ELOVL4: variants seen among roughly 807,000 people sequenced by gnomAD.
ELOVL4 encodes the protein ELOVL fatty acid elongase 4.
A neutral mutation model predicts 42.1 loss-of-function variants in ELOVL4; 18 were observed. The observed-to-expected ratio is 0.43, with a 90% confidence interval of 0.30 to 0.63. ELOVL4 has a LOEUF of 0.63. Among genes scored for constraint, ELOVL4 ranks in the 30% least tolerant of loss-of-function variants. ELOVL4 has a pLI of 0.15. For synonymous variants in ELOVL4, 117 were observed against 127.0 expected (o/e 0.92, Z 0.53); for missense variants, 299 against 376.2 (o/e 0.79, Z 1.70).
chr6:79,937,850 G>A (rs1561989820), intron 1 of ELOVL4, among the ~76,000 whole-genome samples: 1 of 152,090 alleles, frequency 6.6e-6, no homozygotes, highest in Non-Finnish European at 1.5e-5. Flanking sequence ...TTAAATATAA[G>A]GTGTATCAAA....
At chr6:79,939,371 T>C (rs1285000209) in intron 1 of ELOVL4, among the ~76,000 whole-genome samples, 3 of 152,118 alleles carry the variant, frequency 2.0e-5, no homozygotes, top group East Asian at 1.9e-4. Context: ...CATATCCACA[T>C]TGTTGTGACT....
chr6:79,929,235 C>A (rs1453399402), intron 1 of ELOVL4, among the ~76,000 whole-genome samples: 4 of 151,860 alleles, frequency 2.6e-5, no homozygotes, highest in African/African-American at 9.7e-5. Context: ...CAGCCCATTT[C>A]TTTTCTTTTC....
intron 1 of ELOVL4, among the ~76,000 whole-genome samples, chr6:79,934,748 T>C (rs1158791107): frequency 2.6e-5 from 4 of 152,128 alleles, no homozygotes; most frequent in Non-Finnish European, 5.9e-5. Flanking sequence ...TAGATGATAG[T>C]AGGGCTGTTG....
In ELOVL4 at chr6:79,921,676, TAC is replaced by T; in HGVS notation, c.488_489del (p.Cys163TyrfsTer11). ...CCAATCCACCACAAGGTAAACATCG[TAC>T]AGTGATGATACACATGAAGGAAAGA... The part of the protein sequence containing the change: ...QVSFLHVYHH[C>X]TMFTLWWIGI... On this transcript the variant is annotated frameshift_variant, in exon 4 of 6. Coordinates refer to ENST00000369816, the MANE Select transcript of ELOVL4 (RefSeq NM_022726.4). LOFTEE classifies it high-confidence loss of function. 2 of 1,614,020 alleles carry T rather than the reference TAC, an allele frequency of 1.2e-6. No individual in the cohort carries two copies. The highest frequency in any genetic ancestry group is 1.7e-6 in the Non-Finnish European group (2 of 1,179,994).
chr6:79,928,739 T>TTG (rs1554162881), intron 1 of ELOVL4, among the ~76,000 whole-genome samples: 2 of 141,432 alleles, frequency 1.4e-5, no homozygotes, highest in African/African-American at 5.4e-5. Context: ...TTTTTTTTTT[T>TTG]TTTTTTTTTT....
chr6:79,921,712 T>G lies in ELOVL4; in HGVS notation c.454A>C (p.Asn152His). The change falls in exon 4 of 6, where the codon AAC becomes CAC. Residue 152 changes from asparagine to histidine, a missense_variant. Transcript: ENST00000369816. ...TVFFILRKKNNQVSFLHVYHH... is the reference protein window; with the variant it reads ...TVFFILRKKNHQVSFLHVYHH... ...TACACATGAAGGAAAGAAACTTGGT[T>G]GTTTTTCTTTCTCAGAATAAAAAAC... 6.2e-7 allele frequency: 1 copy of G among 1,614,040 alleles called. No individual in the cohort carries two copies. The highest frequency in any genetic ancestry group is 1.3e-5 in the African/African-American group (1 of 75,046).
At chr6:79,924,201 G>GT (rs1226612032) in intron 3 of ELOVL4, among the ~76,000 whole-genome samples, 2 of 152,056 alleles carry the variant, frequency 1.3e-5, no homozygotes, top group Non-Finnish European at 2.9e-5. Context: ...AAAAAACTGA[G>GT]TTTATGCCAA....
chr6:79,942,117 G>A (rs913633541), intron 1 of ELOVL4, among the ~76,000 whole-genome samples: 1 of 152,162 alleles, frequency 6.6e-6, no homozygotes, highest in African/African-American at 2.4e-5. Flanking sequence ...GGAATGGTGG[G>A]ATGAGAAACA....
In ELOVL4 at chr6:79,922,457, G is replaced by C. The variant is rs376713030; in HGVS notation, c.370-661C>G. Among the ~76,000 whole-genome samples the C allele has an allele frequency of 3.3e-5, 5 of 152,180 alleles. No individual in the cohort carries two copies. The South Asian group carries it at 1.0e-3, about 32-fold the overall frequency. On this transcript the variant is annotated intron_variant, in intron 3 of 5. Coordinates refer to ENST00000369816, the MANE Select transcript of ELOVL4 (RefSeq NM_022726.4). ...TTTTCTTTTCCTGGGCTCTAATTAA[G>C]GCACCAGATGGTACAGAAAGATTAC... is the stretch of plus-strand genomic sequence containing the variant.
chr6:79,931,784 G>A (rs1774449833), intron 1 of ELOVL4, among the ~76,000 whole-genome samples: 1 of 152,182 alleles, frequency 6.6e-6, no homozygotes, highest in South Asian at 2.1e-4. Context: ...TCAGAGAGAG[G>A]AATTAGAACC....
intron 3 of ELOVL4, among the ~76,000 whole-genome samples, chr6:79,923,664 G>A (rs1774295940): frequency 6.6e-6 from 1 of 152,064 alleles, no homozygotes; most frequent in Admixed American, 6.6e-5. Context: ...TTGTTTACAT[G>A]GCTGCTGTCT....
Position 79,916,724 on chromosome 6 carries a change from T to G in ELOVL4, c.829A>C (p.Lys277Gln), listed in dbSNP as rs976650950. 1 of 1,614,228 alleles carries G rather than the reference T, an allele frequency of 6.2e-7. No homozygotes were observed. The change falls in exon 6 of 6, where the codon AAA becomes CAA. Residue 277 changes from lysine (K) to glutamine (Q), a missense_variant. By Grantham distance (53) the Lys-to-Gln change is moderately conservative. Transcript: ENST00000369816. ...CCATTCATGGCTGTTTTTCCAGCTT[T>G]TGGTTTCTTAGGCTCTTTGTATGTC... ...IRTYKEPKKP[K>Q]AGKTAMNGIS...
intron 1 of ELOVL4, among the ~76,000 whole-genome samples, chr6:79,933,878 A>C (rs1193439550): frequency 6.6e-6 from 1 of 152,168 alleles, no homozygotes; most frequent in East Asian, 1.9e-4. Context: ...TCGTGGGTAA[A>C]ATCTACAGAC....
intron 1 of ELOVL4, among the ~76,000 whole-genome samples, chr6:79,928,874 A>C (rs1409238436): frequency 6.6e-6 from 1 of 151,400 alleles, no homozygotes; most frequent in Non-Finnish European, 1.5e-5. Flanking sequence ...TGAGTTGCTG[A>C]TGCCACAAAT....
chr6:79,928,962 C>A (rs1367095470), intron 1 of ELOVL4, among the ~76,000 whole-genome samples: 1 of 151,740 alleles, frequency 6.6e-6, no homozygotes, highest in African/African-American at 2.4e-5. Context: ...CAGAGAATTT[C>A]CAAAAGAGAG....
At chr6:79,931,480 T>G (rs894233271) in intron 1 of ELOVL4, among the ~76,000 whole-genome samples, 1 of 152,186 alleles carries the variant, frequency 6.6e-6, no homozygotes, top group African/African-American at 2.4e-5. Context: ...CATCGATTTT[T>G]TTCTGAATTA....
At chr6:79,936,951 C>G (rs1374715688) in intron 1 of ELOVL4, among the ~76,000 whole-genome samples, 1 of 151,998 alleles carries the variant, frequency 6.6e-6, no homozygotes, top group African/African-American at 2.4e-5. Context: ...CCTATGTACT[C>G]AAAAAAGAGG....
intron 3 of ELOVL4, 81 bp from the exon 4 acceptor site, chr6:79,921,877 T>C (rs1774262781): frequency 1.5e-6 from 2 of 1,355,532 alleles, no homozygotes; most frequent in Non-Finnish European, 2.1e-6. Context: ...AAGTCCAAAA[T>C]AAACATTTGT....
At chr6:79,920,659 A>T (rs1428202127) in intron 4 of ELOVL4, among the ~76,000 whole-genome samples, 1 of 152,236 alleles carries the variant, frequency 6.6e-6, no homozygotes, top group Admixed American at 6.5e-5. Flanking sequence ...TTTATGCATT[A>T]AACAAAGTTT....
Sources: allele counts gnomAD v4.1 joint callset (sites outside exome capture counted in the v4.1 genomes callset), GRCh38; gene constraint gnomAD v4.1.1; transcripts MANE v1.5; gene names NCBI Gene and HGNC (gene_info 2026-07-23, HGNC 2026-07-21).